The following CSTPP1 variants were observed in gnomAD, a reference collection of about 807,000 sequenced individuals.
The protein encoded by CSTPP1 is UPF0705 protein C11orf49.
chr11:46,976,920 G>A, the CSTPP1 span, among the ~76,000 whole-genome samples: 1 of 152,176 alleles, frequency 6.6e-6, no homozygotes, highest in African/African-American at 2.4e-5. Context: ...TCACTTTTAA[G>A]TGGACCCAAG....
At chr11:47,137,600 T>C in the CSTPP1 span, 2 of 1,613,746 alleles carry the variant, frequency 1.2e-6, no homozygotes, top group African/African-American at 2.7e-5. Flanking sequence ...GGGCAGTGAC[T>C]TGAAATGCAG....
At chr11:46,964,053 C>T in the CSTPP1 span, among the ~76,000 whole-genome samples, 1 of 151,952 alleles carries the variant, frequency 6.6e-6, no homozygotes, top group African/African-American at 2.4e-5. Flanking sequence ...AGTTTTCTAT[C>T]TGGTCTCGTT....
chr11:46,990,914 G>A, the CSTPP1 span, among the ~76,000 whole-genome samples: 1 of 152,108 alleles, frequency 6.6e-6, no homozygotes, highest in Non-Finnish European at 1.5e-5. Context: ...GTTTTTGTCA[G>A]CCTTGTCAAA....
the CSTPP1 span, among the ~76,000 whole-genome samples, chr11:47,047,977 T>C: frequency 6.6e-6 from 1 of 152,234 alleles, no homozygotes; most frequent in Non-Finnish European, 1.5e-5. Flanking sequence ...ATCTTCTAGG[T>C]TGGCTGTTTT....
chr11:47,036,265 A>ATAT, the CSTPP1 span, among the ~76,000 whole-genome samples: 39 of 32,820 alleles, frequency 1.2e-3, 2 homozygotes, highest in African/African-American at 4.7e-3. Flanking sequence ...ATTATATAAT[A>ATAT]TATATATTAT....
chr11:47,117,193 A>G, the CSTPP1 span, among the ~76,000 whole-genome samples: 3 of 152,098 alleles, frequency 2.0e-5, no homozygotes, highest in African/African-American at 7.2e-5. Flanking sequence ...TTCGCTGGTT[A>G]TTTTGCCTGT....
At chr11:47,104,274 T>C in the CSTPP1 span, among the ~76,000 whole-genome samples, 3 of 152,190 alleles carry the variant, frequency 2.0e-5, no homozygotes, top group Non-Finnish European at 4.4e-5. Flanking sequence ...CTGACACCCA[T>C]GGGGCCCACT....
the CSTPP1 span, chr11:47,162,073 T>C: frequency 1.0e-6 from 1 of 988,724 alleles, no homozygotes; most frequent in Non-Finnish European, 1.2e-6. Flanking sequence ...GCGACGCAAG[T>C]ACCAGGAGGA....
the CSTPP1 span, among the ~76,000 whole-genome samples, chr11:47,045,525 GT>G: frequency 0.026 from 3,913 of 152,226 alleles, 89 homozygotes; most frequent in South Asian, 0.13. Flanking sequence ...TGCTGAAGGT[GT>G]TATATCACAT....
chr11:47,158,329 C>CT, the CSTPP1 span, among the ~76,000 whole-genome samples: 25 of 140,536 alleles, frequency 1.8e-4, no homozygotes, highest in South Asian at 4.6e-3. Context: ...CTGCGGAGAC[C>CT]TTTTTTCCAA....
chr11:46,984,166 A>T, the CSTPP1 span, among the ~76,000 whole-genome samples: 1 of 152,168 alleles, frequency 6.6e-6, no homozygotes, highest in Non-Finnish European at 1.5e-5. Flanking sequence ...AATAAAGATA[A>T]TTTTTACTTC....
chr11:47,115,654 G>T, the CSTPP1 span, among the ~76,000 whole-genome samples: 1 of 151,972 alleles, frequency 6.6e-6, no homozygotes, highest in Admixed American at 6.6e-5. Flanking sequence ...GATCGGTGAT[G>T]ATATCCCCTT....
the CSTPP1 span, among the ~76,000 whole-genome samples, chr11:47,121,787 T>A: frequency 6.6e-6 from 1 of 152,006 alleles, no homozygotes; most frequent in Non-Finnish European, 1.5e-5. Context: ...TAAATATGGT[T>A]AAAGATTAGA....
At chr11:46,943,394 A>G in the CSTPP1 span, among the ~76,000 whole-genome samples, 110 of 152,340 alleles carry the variant, frequency 7.2e-4, no homozygotes, top group Non-Finnish European at 1.0e-3. Context: ...GTTAAACTCT[A>G]TGCTATAAAT....
the CSTPP1 span, among the ~76,000 whole-genome samples, chr11:47,011,933 T>C: frequency 6.6e-6 from 1 of 152,030 alleles, no homozygotes; most frequent in African/African-American, 2.4e-5. Context: ...AATAAATAAA[T>C]AAACAAATAA....
chr11:47,107,214 T>C, the CSTPP1 span, among the ~76,000 whole-genome samples: 99 of 152,348 alleles, frequency 6.5e-4, no homozygotes, highest in African/African-American at 2.3e-3. Flanking sequence ...CTGTTTATTC[T>C]TCAGCATGTT....
chr11:47,009,379 A>G, the CSTPP1 span, among the ~76,000 whole-genome samples: 9 of 152,242 alleles, frequency 5.9e-5, no homozygotes, highest in Admixed American at 5.9e-4. Context: ...ATACACTGCA[A>G]GGGATCATAA....
the CSTPP1 span, among the ~76,000 whole-genome samples, chr11:46,990,976 A>G: frequency 2.6e-5 from 4 of 152,030 alleles, no homozygotes; most frequent in Admixed American, 6.6e-5. Flanking sequence ...TGTACTTTCC[A>G]TTGGTCTATG....
the CSTPP1 span, among the ~76,000 whole-genome samples, chr11:46,974,526 C>CA: frequency 0.55 from 64,906 of 118,080 alleles, 19,307 homozygotes; most frequent in Non-Finnish European, 0.69. Context: ...GACTCTGTCT[C>CA]AAAAAAAAAA....
Sources: gnomAD v4.1 joint callset for allele counts (sites outside exome capture counted in the v4.1 genomes callset) on GRCh38, gnomAD v4.1.1 for gene constraint, MANE v1.5 for transcripts, NCBI Gene and HGNC (gene_info 2026-07-23, HGNC 2026-07-21) for gene names.